Variants in TSPAN3 observed in about 807,000 individuals in gnomAD.
The protein encoded by TSPAN3 is tetraspanin 3.
Under a neutral mutation model 31.1 loss-of-function variants are expected in TSPAN3, and 9 were observed. The ratio of observed to expected loss-of-function variants is 0.29; its 90% confidence interval spans 0.17 to 0.50. TSPAN3 has a LOEUF of 0.50. TSPAN3 is among the 20% of genes least tolerant of loss of function. The probability of loss-of-function intolerance (pLI) is 0.98; values close to 1 mark genes in which losing one functional copy is unlikely to be tolerated. For synonymous variants in TSPAN3, 129 were observed against 114.3 expected (o/e 1.13, Z -0.82); for missense variants, 252 against 313.5 (o/e 0.80, Z 1.48).
intron 1 of TSPAN3, among the ~76,000 whole-genome samples, chr15:77,061,850 C>T (rs1157830708): frequency 1.3e-5 from 2 of 152,182 alleles, no homozygotes; most frequent in Non-Finnish European, 2.9e-5. Context: ...GACAAGGCAC[C>T]ATCTGGACTT....
chr15:77,053,451 C>CAGAAAAAAAAAAAA (rs2076745007), intron 4 of TSPAN3, among the ~76,000 whole-genome samples: 1 of 50,382 alleles, frequency 2.0e-5, no homozygotes, highest in Non-Finnish European at 3.3e-5. Flanking sequence ...TTCGCCATCT[C>CAGAAAAAAAAAAAA]AAAAAAAAAA....
At chr15:77,067,677 A>G (rs530191159) in intron 1 of TSPAN3, 8 of 152,256 alleles carry the variant, frequency 5.3e-5, no homozygotes, top group Non-Finnish European at 8.8e-5. Flanking sequence ...TACATTTATT[A>G]GAACTGAAGA....
At chr15:77,066,435 G>T (rs1440477187) in intron 1 of TSPAN3, among the ~76,000 whole-genome samples, 1 of 152,000 alleles carries the variant, frequency 6.6e-6, no homozygotes, top group African/African-American at 2.4e-5. Context: ...AGCTGGGCAT[G>T]GTGGCGCACG....
intron 3 of TSPAN3, chr15:77,054,938 C>G (rs981485214): frequency 6.6e-6 from 1 of 152,184 alleles, no homozygotes; most frequent in Non-Finnish European, 1.5e-5. Flanking sequence ...CCTTACCCCT[C>G]GGAGGACTGG....
At chr15:77,052,504 C>T (rs775581951) in intron 5 of TSPAN3, 36 bp from the exon 6 acceptor site, 68 of 1,595,020 alleles carry the variant, frequency 4.3e-5, no homozygotes, top group Middle Eastern at 3.3e-4. Context: ...TAGAAGTGTT[C>T]TTTAAAAGTT....
chr15:77,061,921 C>T (rs891972785), intron 1 of TSPAN3, among the ~76,000 whole-genome samples: 6 of 152,112 alleles, frequency 3.9e-5, no homozygotes, highest in African/African-American at 9.7e-5. Context: ...CTGCTCCCTT[C>T]GGAGTGATTT....
chr15:77,063,222 T>C (rs777665731), intron 1 of TSPAN3, among the ~76,000 whole-genome samples: 17 of 152,208 alleles, frequency 1.1e-4, no homozygotes, highest in Non-Finnish European at 2.2e-4. Flanking sequence ...CTGTACATGT[T>C]TTCTGATTAT....
At position 77,066,571 on chromosome 15, in the gene TSPAN3, C is replaced by CAAAAAAAA. The variant is rs35737479; in HGVS notation, c.63+4313_63+4320dup. ...TGGGCGACAGAGTAAGACTTCGTCT[C>CAAAAAAAA]AAAAAAAAAAAAAAAAAAAAAAAAA... On this transcript the variant is annotated intron_variant, in intron 1 of 6. Transcript: ENST00000267970. Among the ~76,000 whole-genome samples, 42 of 59,374 alleles carry CAAAAAAAA rather than the reference C, an allele frequency of 7.1e-4. 4 individuals carry two copies. Among genetic ancestry groups the CAAAAAAAA allele is most frequent in the African/African-American group, 2.8e-3 (37 of 13,370 alleles). The allele number at this position is 59,374 out of a possible 152,430, so 39.0% of individuals were successfully genotyped here.
chr15:77,056,362 C>CT (rs2076769002), intron 1 of TSPAN3, 107 bp from the exon 2 acceptor site: 3 of 823,412 alleles, frequency 3.6e-6, no homozygotes, highest in Non-Finnish European at 5.3e-6. Flanking sequence ...CTGTTATAGA[C>CT]TTTTTTCAGT....
At chr15:77,067,089 G>A (rs1383152198) in intron 1 of TSPAN3, among the ~76,000 whole-genome samples, 1 of 151,924 alleles carries the variant, frequency 6.6e-6, no homozygotes, top group Non-Finnish European at 1.5e-5. Context: ...CATGAGGGTA[G>A]AGCCCTCATG....
chr15:77,071,109 T>C lies in TSPAN3; in HGVS notation c.-155A>G, dbSNP rs11072641. On this transcript the variant is annotated 5_prime_UTR_variant, in exon 1 of 7. Transcript: ENST00000267970. Reference sequence around the variant, plus strand: ...GTCGCGCAGCCCCGACCCCAGCAAGTGCCTCGCTCCTCCGCGCAGCCGCCG... The same window carrying C: ...GTCGCGCAGCCCCGACCCCAGCAAGCGCCTCGCTCCTCCGCGCAGCCGCCG... 0.63 allele frequency: 249,513 copies of C among 398,114 alleles called. 79,985 individuals are homozygous for C. The highest frequency in any genetic ancestry group is 0.7 in the Middle Eastern group (903 of 1,294). 24.7% of individuals were successfully genotyped at this position (398,114 alleles called of 1,614,324 possible).
chr15:77,053,098 C>G (rs1451992060), intron 4 of TSPAN3, among the ~76,000 whole-genome samples, 169 bp from the exon 5 acceptor site: 1 of 152,196 alleles, frequency 6.6e-6, no homozygotes, highest in Non-Finnish European at 1.5e-5. Flanking sequence ...ACATGAAGCT[C>G]TACTGAGCAC....
intron 1 of TSPAN3, among the ~76,000 whole-genome samples, chr15:77,059,377 T>C (rs889008475): frequency 3.3e-5 from 5 of 152,234 alleles, no homozygotes; most frequent in African/African-American, 9.6e-5. Flanking sequence ...CCATTGCGCC[T>C]GGCCAGACAT....
At chr15:77,070,797 G>C in intron 1 of TSPAN3, 95 bp downstream of exon 1, 2 of 699,012 alleles carry the variant, frequency 2.9e-6, no homozygotes, top group Non-Finnish European at 3.5e-6. Flanking sequence ...GCCCCCGCGC[G>C]CCCGCCCAGG....
intron 1 of TSPAN3, among the ~76,000 whole-genome samples, chr15:77,067,473 A>AT (rs2076840222): frequency 6.6e-6 from 1 of 152,238 alleles, no homozygotes; most frequent in African/African-American, 2.4e-5. Flanking sequence ...CAAAGCAATT[A>AT]AACTTTGACC....
In TSPAN3 at chr15:77,047,587, A is replaced by G. The variant is rs192975177; in HGVS notation, c.670-660T>C. On this transcript the variant is annotated intron_variant, in intron 6 of 6. Coordinates refer to ENST00000267970, the MANE Select transcript of TSPAN3 (RefSeq NM_005724.6). ...CACGGTTCTGTGGTATTACATACAT[A>G]TTACTTTTGAAAGGTCACTCTTCCG... Among the ~76,000 whole-genome samples the G allele has an allele frequency of 2.1e-3, 325 of 152,284 alleles. 1 individual carries two copies. The highest frequency in any genetic ancestry group is 3.2e-3 in the Non-Finnish European group (218 of 68,010).
At position 77,046,091 on chromosome 15, in the gene TSPAN3, A is replaced by G. The variant is rs1223177155; in HGVS notation, c.*744T>C. On this transcript the variant is annotated 3_prime_UTR_variant, in exon 7 of 7. Transcript: ENST00000267970. ...TATTTACAACTGAGATCACATCTAC[A>G]TACTATTTTGCTAGTCTACATGGGT... 1 of 251,664 alleles carries G rather than the reference A, an allele frequency of 4.0e-6. No homozygotes were observed. The highest frequency in any genetic ancestry group is 2.2e-5 in the African/African-American group (1 of 45,214). The allele number at this position is 251,664 out of a possible 1,614,324, so 15.6% of individuals were successfully genotyped here. A position where few individuals can be genotyped will look rare whatever the true frequency, so the allele number is the denominator to read the frequency against.
chr15:77,067,047 A>G (rs1461317505), intron 1 of TSPAN3, among the ~76,000 whole-genome samples: 1 of 151,802 alleles, frequency 6.6e-6, no homozygotes, highest in East Asian at 1.9e-4. Context: ...AAAACCCATT[A>G]ATCCATTAAT....
At chr15:77,055,765 T>C (rs1596163041) in intron 3 of TSPAN3, 24 bp downstream of exon 3, 3 of 1,566,406 alleles carry the variant, frequency 1.9e-6, no homozygotes, top group Non-Finnish European at 2.6e-6. Flanking sequence ...TAAGGCATTA[T>C]GTGAATTACA....
Sources: gnomAD v4.1 joint callset for allele counts (sites outside exome capture counted in the v4.1 genomes callset) on GRCh38, gnomAD v4.1.1 for gene constraint, MANE v1.5 for transcripts, NCBI Gene and HGNC (gene_info 2026-07-23, HGNC 2026-07-21) for gene names.